The following PHACTR1 variants were observed in gnomAD, a reference collection of about 807,000 sequenced individuals.
PHACTR1 encodes the protein RPEL repeat containing 1.
A neutral mutation model predicts 69.2 loss-of-function variants in PHACTR1; 16 were observed. The ratio of observed to expected loss-of-function variants is 0.23; its 90% CI spans 0.16 to 0.35. The LOEUF (loss-of-function observed/expected upper bound fraction) is 0.35. Among genes scored for constraint, PHACTR1 ranks in the 10% least tolerant of loss-of-function variants. The probability of loss-of-function intolerance (pLI) is 1.00; values close to 1 mark genes in which losing one functional copy is unlikely to be tolerated. For synonymous variants in PHACTR1, 312 were observed against 284.5 expected, an observed-to-expected ratio of 1.10 and a Z score of -0.97; for missense variants, 510 against 734.7, an observed-to-expected ratio of 0.69 and a Z score of 3.54.
chr6:12,817,306 C>A (rs1010111119), intron 4 of PHACTR1, among the ~76,000 whole-genome samples: 2 of 152,122 alleles, frequency 1.3e-5, no homozygotes, highest in South Asian at 2.1e-4. Context: ...TTTCTGGTAA[C>A]TTTTACTCCT....
intron 4 of PHACTR1, among the ~76,000 whole-genome samples, chr6:12,987,839 C>A (rs1796362144): frequency 6.6e-6 from 1 of 152,144 alleles, no homozygotes; most frequent in African/African-American, 2.4e-5. Flanking sequence ...GAGCAGAATT[C>A]TAAAGTCCTG....
chr6:12,749,139 CATAGAGCAGCCTGTGGGTGA>C (rs1482894439), intron 3 of PHACTR1, among the ~76,000 whole-genome samples: 1 of 152,254 alleles, frequency 6.6e-6, no homozygotes, highest in African/African-American at 2.4e-5. Context: ...GGCACGCTCA[CATAGAGCAGCCTGTGGGTGA>C]AGGAGACCGT....
intron 5 of PHACTR1, among the ~76,000 whole-genome samples, chr6:13,102,918 G>A (rs1313060377): frequency 6.6e-6 from 1 of 152,104 alleles, no homozygotes; most frequent in African/African-American, 2.4e-5. Context: ...AGCCAACCTT[G>A]GTCCAAGAAG....
intron 4 of PHACTR1, among the ~76,000 whole-genome samples, chr6:12,910,860 G>A (rs899728450): frequency 1.2e-4 from 19 of 152,212 alleles, no homozygotes; most frequent in African/African-American, 3.9e-4. Context: ...CAGCAAGTGA[G>A]TCTCTGGGAA....
intron 4 of PHACTR1, among the ~76,000 whole-genome samples, chr6:12,784,506 A>G (rs1001922361): frequency 2.6e-5 from 4 of 151,706 alleles, no homozygotes; most frequent in Non-Finnish European, 4.4e-5. Context: ...ATATATACAT[A>G]TGTATCTAGA....
chr6:12,789,950 A>C (rs1393934519), intron 4 of PHACTR1, among the ~76,000 whole-genome samples: 1 of 119,324 alleles, frequency 8.4e-6, no homozygotes, highest in East Asian at 2.5e-4. Flanking sequence ...TTCACTGCCT[A>C]TATCTGGAAA....
intron 4 of PHACTR1, among the ~76,000 whole-genome samples, chr6:12,844,259 T>C (rs75349563): frequency 3.9e-5 from 6 of 152,084 alleles, no homozygotes; most frequent in African/African-American, 9.6e-5. Flanking sequence ...TAGCCGAATG[T>C]AGCAGTACAC....
At chr6:13,064,277 A>C (rs1808145409) in intron 5 of PHACTR1, among the ~76,000 whole-genome samples, 1 of 151,780 alleles carries the variant, frequency 6.6e-6, no homozygotes, top group African/African-American at 2.4e-5. Context: ...AACGAGCAAG[A>C]CTTGATTACA....
At chr6:12,764,168 A>AT in intron 4 of PHACTR1, among the ~76,000 whole-genome samples, 1 of 152,374 alleles carries the variant, frequency 6.6e-6, no homozygotes, top group Non-Finnish European at 1.5e-5. Context: ...AAGACTCATC[A>AT]TTCAGAACTA....
intron 4 of PHACTR1, among the ~76,000 whole-genome samples, chr6:12,947,224 T>C (rs1005899011): frequency 3.3e-5 from 5 of 152,234 alleles, no homozygotes; most frequent in Admixed American, 3.3e-4. Context: ...AGCCAAGTTC[T>C]TTCTGCTAGA....
At chr6:13,278,139 G>A (rs777472200) in intron 11 of PHACTR1, 129 bp from the exon 12 acceptor site, 2 of 785,026 alleles carry the variant, frequency 2.5e-6, no homozygotes, top group Non-Finnish European at 4.0e-6. Flanking sequence ...GCTGGGGGAG[G>A]GGACAGGAGT....
chr6:12,936,302 TATA>T (rs1182972336), intron 4 of PHACTR1, among the ~76,000 whole-genome samples: 2 of 152,174 alleles, frequency 1.3e-5, no homozygotes, highest in Non-Finnish European at 2.9e-5. Context: ...TCTATACCAG[TATA>T]ATAATAATTT....
intron 4 of PHACTR1, among the ~76,000 whole-genome samples, chr6:12,921,804 G>GAGAGAA (rs372340224): frequency 5.6e-4 from 17 of 30,340 alleles, no homozygotes; most frequent in South Asian, 2.5e-3. Context: ...AGAAGGAAGG[G>GAGAGAA]AGGGAGGGAG....
In PHACTR1 at chr6:12,847,790, G is replaced by A. The variant is rs538610520; in HGVS notation, c.250+98000G>A. Among the ~76,000 whole-genome samples, 6 of 152,154 alleles carry A rather than the reference G, an allele frequency of 3.9e-5. No individual in the cohort carries two copies. The South Asian group carries it at 1.2e-3, about 32-fold the overall frequency. On this transcript the variant is annotated intron_variant, in intron 4 of 14. Transcript: ENST00000332995. The stretch of plus-strand genomic sequence containing the variant: ...CTGTGTTTCCAAAGGCAGGAAAACA[G>A]CTAATATATCTTGAGATGTTTCCAT...
Position 13,179,959 on chromosome 6 carries a change from C to T in PHACTR1, c.497-2560C>T, listed in dbSNP as rs1411490215. 6.6e-6 allele frequency among the ~76,000 whole-genome samples: 1 copy of T among 152,096 alleles called. No homozygotes were observed. Among genetic ancestry groups the T allele is most frequent in the Non-Finnish European group, 1.5e-5 (1 of 68,008 alleles). On this transcript the variant is annotated intron_variant, in intron 6 of 14. Transcript: ENST00000332995. This position sits in a 1 kb window ranked among gnomAD's most constrained non-coding sequence, Gnocchi z 4.2. ...TCCTAAAGGGGGAGAATTCTAATTG[C>T]AGAAAAATTGTATGCAAGACGATGG...
rs368754011 is a variant in PHACTR1, at chr6:13,020,937, A to G, written c.251-32428A>G. Among the ~76,000 whole-genome samples, 39 of 152,258 alleles carry G rather than the reference A, an allele frequency of 2.6e-4. 1 individual carries two copies. The highest frequency in any genetic ancestry group is 8.7e-4 in the African/African-American group (36 of 41,538). Reference sequence around the variant, plus strand: ...TACCAAGGGCCTGGGATACCACACTAAGGAGCTGGGACTTGCTCCATGACG... The same window carrying G: ...TACCAAGGGCCTGGGATACCACACTGAGGAGCTGGGACTTGCTCCATGACG... On this transcript the variant is annotated intron_variant, in intron 4 of 14. Coordinates refer to ENST00000332995, the MANE Select transcript of PHACTR1 (RefSeq NM_030948.6).
chr6:12,893,185 C>T (rs1285332966), intron 4 of PHACTR1, among the ~76,000 whole-genome samples: 1 of 152,120 alleles, frequency 6.6e-6, no homozygotes, highest in African/African-American at 2.4e-5. Flanking sequence ...CCATATCTTA[C>T]AGGCATGAAA....
chr6:13,046,353 T>C (rs1194290904), intron 4 of PHACTR1, among the ~76,000 whole-genome samples: 1 of 152,200 alleles, frequency 6.6e-6, no homozygotes, highest in Non-Finnish European at 1.5e-5. Flanking sequence ...TAAATGTTGC[T>C]GTCTCATTAC....
chr6:13,211,892 G>A (rs1361930642), intron 8 of PHACTR1, among the ~76,000 whole-genome samples: 1 of 152,152 alleles, frequency 6.6e-6, no homozygotes, highest in Non-Finnish European at 1.5e-5. Context: ...GACTGTCTTT[G>A]TCTGCAAGGA....
Sources: allele counts gnomAD v4.1 joint callset (sites outside exome capture counted in the v4.1 genomes callset), GRCh38; gene constraint gnomAD v4.1.1; non-coding constraint Gnocchi (gnomAD v3.1); transcripts MANE v1.5; gene names NCBI Gene and HGNC (gene_info 2026-07-23, HGNC 2026-07-21).